RBM23: variants seen among roughly 807,000 people sequenced by gnomAD.
RBM23 encodes the protein RNA binding motif protein 23, also known as probable RNA-binding protein 23.
A neutral mutation model predicts 56.2 loss-of-function variants in RBM23; 53 were observed. That is an observed-to-expected ratio of 0.94 (90% confidence interval 0.76 to 1.19). RBM23 has a LOEUF of 1.19. Ranked by LOEUF, RBM23 falls within the 50% of genes most tolerant of loss-of-function variation. RBM23 has a pLI of 0.00. For missense variants in RBM23, 642 were observed against 590.3 expected (o/e 1.09, Z -0.91); for synonymous variants, 197 against 198.5 (o/e 0.99, Z 0.06).
At position 22,902,260 on chromosome 14, in the gene RBM23, A is replaced by G. The variant is rs765132379; in HGVS notation, c.1053T>C (p.Phe351=). The change falls in exon 11 of 14, where the codon TTT becomes TTC. Residue 351 remains phenylalanine, a synonymous_variant. Coordinates refer to ENST00000359890, the MANE Select transcript of RBM23 (RefSeq NM_001077351.2). ...GATCCAGCTCCTGGTCCCCATCAGG[A>G]AAAGTGATGTCTGTGCCACCATCCA... The part of the protein sequence containing the change: ...ERLDGGTDIT[F]PDGDQELDLG... The G allele has an allele frequency of 1.2e-6, 2 of 1,614,066 alleles. No individual in the cohort carries two copies. Among genetic ancestry groups the G allele is most frequent in the African/African-American group, 2.7e-5 (2 of 74,910 alleles).
intron 10 of RBM23, chr14:22,903,113 T>G: frequency 1.6e-5 from 16 of 985,352 alleles, no homozygotes; most frequent in Non-Finnish European, 1.9e-5. Flanking sequence ...AATCTGGAAC[T>G]CCTAATTCCA....
In RBM23 at chr14:22,908,469, T is replaced by C. The variant is rs576660121; in HGVS notation, c.180-89A>G. 1.3e-5 allele frequency: 19 copies of C among 1,436,448 alleles called. No individual in the cohort carries two copies. In the South Asian group the frequency reaches 2.3e-4, roughly 17 times the overall value. 89.0% of individuals were successfully genotyped at this position (1,436,448 alleles called of 1,614,324 possible). ...GTGCAGTGGTGCAATCTTGGCTCAC[T>C]GCAACCTCCGCCTTCCAGGTTCAAG... On this transcript the variant is annotated intron_variant, in intron 3 of 13. Coordinates refer to ENST00000359890, the MANE Select transcript of RBM23 (RefSeq NM_001077351.2).
chr14:22,907,214 C>A (rs1038172743), intron 4 of RBM23, among the ~76,000 whole-genome samples: 1 of 152,018 alleles, frequency 6.6e-6, no homozygotes, highest in Admixed American at 6.5e-5. Flanking sequence ...TGGTGGCACA[C>A]GCCTGTAATC....
intron 4 of RBM23, among the ~76,000 whole-genome samples, chr14:22,907,409 T>C (rs1258819551): frequency 6.6e-6 from 1 of 152,064 alleles, no homozygotes; most frequent in Non-Finnish European, 1.5e-5. Context: ...CAGTGTACAA[T>C]AATCTATTAT....
At position 22,896,866 on chromosome 14, in the gene RBM23, A is replaced by C. The variant is rs919619057; in HGVS notation, c.*4864T>G. 2.0e-5 allele frequency: 3 copies of C among 152,188 alleles called. No individual in the cohort carries two copies. The highest frequency in any genetic ancestry group is 4.8e-5 in the African/African-American group (2 of 41,444). 9.4% of individuals were successfully genotyped at this position (152,188 alleles called of 1,614,324 possible). Reference sequence around the variant, plus strand: ...AAGCGCAAAAGTTATGAGAGAGGGGAAAGGATGTCTGAAGCTAGAAGATTC... The same window carrying C: ...AAGCGCAAAAGTTATGAGAGAGGGGCAAGGATGTCTGAAGCTAGAAGATTC... On this transcript the variant is annotated 3_prime_UTR_variant, in exon 14 of 14. Coordinates refer to ENST00000359890, the MANE Select transcript of RBM23 (RefSeq NM_001077351.2).
chr14:22,912,998 CAAAAAAAAAAAAAAAA>C (rs58361546), intron 1 of RBM23, among the ~76,000 whole-genome samples: 7 of 35,412 alleles, frequency 2.0e-4, no homozygotes, highest in Non-Finnish European at 3.0e-4. Context: ...GATTCAGTCT[CAAAAAAAAAAAAAAAA>C]AAAAAAAAAA....
intron 1 of RBM23, among the ~76,000 whole-genome samples, chr14:22,916,258 TG>T (rs1014384921): frequency 1.3e-4 from 19 of 150,812 alleles, no homozygotes; most frequent in African/African-American, 3.9e-4. Flanking sequence ...AAGGGAAGAA[TG>T]TTTTTTTTTT....
intron 1 of RBM23, among the ~76,000 whole-genome samples, chr14:22,918,582 T>C (rs1484320872): frequency 2.0e-5 from 3 of 152,054 alleles, no homozygotes; most frequent in African/African-American, 7.2e-5. Flanking sequence ...AGACTAGAGA[T>C]TGAGGAAGAA....
chr14:22,898,935 G>A lies in RBM23; in HGVS notation c.*2795C>T, dbSNP rs527503201. The A allele has an allele frequency of 6.6e-6, 1 of 152,272 alleles. No individual in the cohort carries two copies. The highest frequency in any genetic ancestry group is 1.5e-5 in the Non-Finnish European group (1 of 68,034). 9.4% of individuals were successfully genotyped at this position (152,272 alleles called of 1,614,324 possible). On this transcript the variant is annotated 3_prime_UTR_variant, in exon 14 of 14. Coordinates refer to ENST00000359890, the MANE Select transcript of RBM23 (RefSeq NM_001077351.2). ...TAGGGGTGCTGGGTCATAGCCAGCAGCTTCTACCTAAAAATAGTGCATCCT... is the reference window on the plus strand; with the variant it reads ...TAGGGGTGCTGGGTCATAGCCAGCAACTTCTACCTAAAAATAGTGCATCCT...
At chr14:22,917,816 A>T (rs1207348244) in intron 1 of RBM23, 1 of 152,252 alleles carries the variant, frequency 6.6e-6, no homozygotes. Context: ...CTCCAAAAAC[A>T]GTATTAGAGA....
At chr14:22,902,618 C>T in intron 10 of RBM23, 2 of 1,244,774 alleles carry the variant, frequency 1.6e-6, no homozygotes, top group Non-Finnish European at 2.0e-6. Context: ...CATTAAGAAT[C>T]TAACAATGCA....
rs2041145473 is a variant in RBM23, at chr14:22,904,338, T to A, written c.865-12A>T. ...ACAATATTATCAATCTGTAGAAGAG[T>A]GAGAAATTATCAGTAAACTTTTGAC... On this transcript the variant is annotated splice_polypyrimidine_tract_variant and intron_variant, in intron 9 of 13. Coordinates refer to ENST00000359890, the MANE Select transcript of RBM23 (RefSeq NM_001077351.2). The A allele has an allele frequency of 6.3e-7, 1 of 1,596,520 alleles. No individual in the cohort carries two copies. Among genetic ancestry groups the A allele is most frequent in the South Asian group, 1.1e-5 (1 of 90,566 alleles).
At chr14:22,904,844 C>T in intron 9 of RBM23, 31 bp downstream of exon 9, 1 of 1,612,348 alleles carries the variant, frequency 6.2e-7, no homozygotes, top group Non-Finnish European at 8.5e-7. Flanking sequence ...TCTTCCAATT[C>T]CCTTCAGAGG....
chr14:22,916,707 T>C (rs1307670032), intron 1 of RBM23, among the ~76,000 whole-genome samples: 1 of 152,082 alleles, frequency 6.6e-6, no homozygotes, highest in African/African-American at 2.4e-5. Flanking sequence ...CTTTTAAATA[T>C]ATACTCACTG....
chr14:22,908,281 A>C, intron 4 of RBM23, 52 bp downstream of exon 4: 2 of 1,539,346 alleles, frequency 1.3e-6, no homozygotes, highest in Non-Finnish European at 1.8e-6. Flanking sequence ...TTGGCTTCCA[A>C]AGTGCTAGGA....
intron 3 of RBM23, chr14:22,908,713 A>G (rs906852423): frequency 1.0e-5 from 2 of 197,510 alleles, no homozygotes; most frequent in South Asian, 2.0e-4. Context: ...CAGGAGTGTA[A>G]ATTCTTAAAG....
At chr14:22,914,323 C>CAAAAA (rs1176405918) in intron 1 of RBM23, among the ~76,000 whole-genome samples, 1 of 87,810 alleles carries the variant, frequency 1.1e-5, no homozygotes, top group Non-Finnish European at 2.1e-5. Flanking sequence ...GACTCTGTCT[C>CAAAAA]AAAAAAAAAA....
chr14:22,902,361 G>A lies in RBM23; in HGVS notation c.952C>T (p.Arg318Trp), dbSNP rs371290342. 2.1e-4 allele frequency: 345 copies of A among 1,613,330 alleles called. 1 individual carries two copies. In the East Asian group the frequency reaches 2.7e-3, roughly 13 times the overall value. ...FITFSDSECARRALEQLNGFE... is the reference protein window; with the variant it reads ...FITFSDSECAWRALEQLNGFE... ...CCATTCAACTGTTCCAGGGCCCGCC[G>A]GGCACACTCAGAATCAGAGAACTAT... The change falls in exon 11 of 14, where the codon CGG (arginine) becomes TGG (tryptophan). Residue 318 changes from arginine to tryptophan, a missense_variant. Transcript: ENST00000359890.
In RBM23 at chr14:22,894,060, G is replaced by A. The variant is rs1247665244; in HGVS notation, c.*7670C>T. The stretch of plus-strand genomic sequence containing the variant: ...TGAAGAATACCTACCTTATAGCGAA[G>A]TCATGAGGACTAAATAAAAGAGCAA... On this transcript the variant is annotated 3_prime_UTR_variant, in exon 14 of 14. Coordinates refer to ENST00000359890, the MANE Select transcript of RBM23 (RefSeq NM_001077351.2). 1.3e-5 allele frequency: 2 copies of A among 152,188 alleles called. No individual in the cohort carries two copies. Among genetic ancestry groups the A allele is most frequent in the African/African-American group, 4.8e-5 (2 of 41,444 alleles). The allele number at this position is 152,188 out of a possible 1,614,324, so 9.4% of individuals were successfully genotyped here.
Sources: allele counts gnomAD v4.1 joint callset (sites outside exome capture counted in the v4.1 genomes callset), GRCh38; gene constraint gnomAD v4.1.1; transcripts MANE v1.5; gene names NCBI Gene and HGNC (gene_info 2026-07-23, HGNC 2026-07-21).